The following THSD7B variants were observed in gnomAD, a reference collection of about 807,000 sequenced individuals.
THSD7B encodes thrombospondin type 1 domain containing 7B.
THSD7B carries 138 observed loss-of-function variants against 213.6 expected under a neutral mutation model. That is an observed-to-expected ratio of 0.65 (90% CI 0.56 to 0.74). THSD7B has a LOEUF of 0.74. Among genes scored for constraint, THSD7B ranks in the 30% least tolerant of loss-of-function variants. The pLI, the probability that THSD7B is intolerant of heterozygous loss-of-function variation, is 0.00. For synonymous variants in THSD7B, 742 were observed against 687.0 expected (o/e 1.08, Z -1.25); for missense variants, 1,931 against 1,991.5 (o/e 0.97, Z 0.58).
At position 136,787,846 on chromosome 2, in the gene THSD7B, TA is replaced by T. The variant is rs551301145; in HGVS notation, c.-36+22161del. Among the ~76,000 whole-genome samples the T allele has an allele frequency of 8.6e-5, 13 of 151,988 alleles. 1 individual carries two copies. In the South Asian group the frequency reaches 2.7e-3, roughly 31 times the overall value. On this transcript the variant is annotated intron_variant, in intron 1 of 27. Transcript: ENST00000409968. Reference sequence around the variant, plus strand: ...TTAAGAGCCATTGTGTAGTTTCCCCTAATGCTATTTTCTCCTTCTGTCCTAA... The same window carrying T: ...TTAAGAGCCATTGTGTAGTTTCCCCTATGCTATTTTCTCCTTCTGTCCTAA...
chr2:137,189,717 G>A, intron 7 of THSD7B, among the ~76,000 whole-genome samples: 1 of 151,884 alleles, frequency 6.6e-6, no homozygotes, highest in Admixed American at 6.6e-5. Flanking sequence ...TAAGAACTTA[G>A]CTATAAATTC....
chr2:137,102,493 C>A (rs1688170087), intron 4 of THSD7B, among the ~76,000 whole-genome samples: 1 of 152,174 alleles, frequency 6.6e-6, no homozygotes, highest in South Asian at 2.1e-4. Context: ...TCCAACGGAT[C>A]ACAACTCCTC....
chr2:137,449,855 T>G (rs1687613476), intron 14 of THSD7B, among the ~76,000 whole-genome samples: 1 of 152,120 alleles, frequency 6.6e-6, no homozygotes, highest in African/African-American at 2.4e-5. Context: ...ATCATATCTG[T>G]AAATTCCCTT....
chr2:137,560,551 G>A (rs547719151), intron 15 of THSD7B, among the ~76,000 whole-genome samples: 10 of 152,022 alleles, frequency 6.6e-5, no homozygotes, highest in African/African-American at 1.7e-4. Context: ...ATCACACACC[G>A]GGGCCTGTTG....
At chr2:137,440,894 A>G (rs1486535328) in intron 14 of THSD7B, among the ~76,000 whole-genome samples, 1 of 152,150 alleles carries the variant, frequency 6.6e-6, no homozygotes, top group East Asian at 1.9e-4. Flanking sequence ...TCTGAATCCC[A>G]TGAGACACAT....
At chr2:137,011,236 A>G (rs1173307818) in intron 2 of THSD7B, among the ~76,000 whole-genome samples, 2 of 152,198 alleles carry the variant, frequency 1.3e-5, no homozygotes, top group Non-Finnish European at 2.9e-5. Flanking sequence ...ACTTGAGGCC[A>G]TCTGTAAGGA....
intron 2 of THSD7B, among the ~76,000 whole-genome samples, chr2:136,944,705 A>G (rs954487244): frequency 7.9e-6 from 1 of 126,132 alleles, no homozygotes; most frequent in Non-Finnish European, 1.6e-5. Context: ...TAGGATTGCA[A>G]CCCCTGCTTT....
intron 2 of THSD7B, among the ~76,000 whole-genome samples, chr2:136,927,855 C>G (rs1684566124): frequency 1.3e-5 from 2 of 152,154 alleles, no homozygotes; most frequent in Non-Finnish European, 2.9e-5. Context: ...TTTCTGCTTC[C>G]TAACGGAGGG....
chr2:137,413,560 T>G (rs1686721065), intron 14 of THSD7B, among the ~76,000 whole-genome samples: 1 of 152,212 alleles, frequency 6.6e-6, no homozygotes, highest in Admixed American at 6.5e-5. Flanking sequence ...AGGAGGCAGA[T>G]GTACAAAGCA....
intron 15 of THSD7B, among the ~76,000 whole-genome samples, chr2:137,481,826 C>T (rs1021816336): frequency 5.3e-5 from 8 of 152,046 alleles, no homozygotes; most frequent in Non-Finnish European, 4.4e-5. Context: ...GTCTCAGGAA[C>T]GATGCTTATA....
At chr2:137,633,751 T>C (rs1682783960) in intron 20 of THSD7B, among the ~76,000 whole-genome samples, 1 of 151,708 alleles carries the variant, frequency 6.6e-6, no homozygotes, top group Non-Finnish European at 1.5e-5. Context: ...GGCAGGAGAG[T>C]GAAGAAAGCA....
intron 1 of THSD7B, among the ~76,000 whole-genome samples, chr2:136,877,162 A>G (rs1355386951): frequency 2.6e-5 from 4 of 152,206 alleles, no homozygotes; most frequent in Non-Finnish European, 5.9e-5. Context: ...TTGTAATAGT[A>G]TACTAACTTA....
chr2:137,141,000 T>A (rs1344313264), intron 5 of THSD7B, among the ~76,000 whole-genome samples: 2 of 152,178 alleles, frequency 1.3e-5, no homozygotes, highest in African/African-American at 4.8e-5. Context: ...TGTATCTCTC[T>A]ATGAAAGGAG....
chr2:137,197,097 C>T (rs569285621), intron 7 of THSD7B, among the ~76,000 whole-genome samples: 2 of 152,244 alleles, frequency 1.3e-5, no homozygotes, highest in East Asian at 3.9e-4. Context: ...TACAAAATAA[C>T]TTCAAAAATG....
chr2:136,785,500 G>A (rs904220787), intron 1 of THSD7B, among the ~76,000 whole-genome samples: 1 of 152,086 alleles, frequency 6.6e-6, no homozygotes, highest in Non-Finnish European at 1.5e-5. Flanking sequence ...TAGGGCTCCC[G>A]GGGTCTGAGT....
intron 2 of THSD7B, among the ~76,000 whole-genome samples, chr2:137,043,069 G>A (rs1686910556): frequency 1.3e-5 from 2 of 152,248 alleles, no homozygotes; most frequent in South Asian, 2.1e-4. Context: ...CCCCTGGGCT[G>A]GTTGGGGATG....
At position 137,225,325 on chromosome 2, in the gene THSD7B, GT is replaced by G. The variant is rs575204232; in HGVS notation, c.1724-5718del. On this transcript the variant is annotated intron_variant, in intron 7 of 27. Transcript: ENST00000409968. Reference sequence around the variant, plus strand: ...ATGATGCAGTTCCAAAATAATCAAGGTGCCCACTCTTCTGGGCTTGCTCCCC... The same window carrying G: ...ATGATGCAGTTCCAAAATAATCAAGGGCCCACTCTTCTGGGCTTGCTCCCC... Among the ~76,000 whole-genome samples, 485 of 152,210 alleles carry G rather than the reference GT, an allele frequency of 3.2e-3. 2 individuals carry two copies. Among genetic ancestry groups the G allele is most frequent in the Non-Finnish European group, 4.2e-3 (285 of 68,002 alleles).
chr2:136,809,822 G>A (rs563087601), intron 1 of THSD7B, among the ~76,000 whole-genome samples: 1 of 152,240 alleles, frequency 6.6e-6, no homozygotes, highest in East Asian at 1.9e-4. Context: ...GCTTGGACTT[G>A]GGTGGTGGAG....
intron 7 of THSD7B, among the ~76,000 whole-genome samples, chr2:137,191,431 T>G (rs906556051): frequency 6.6e-6 from 1 of 152,030 alleles, no homozygotes; most frequent in Non-Finnish European, 1.5e-5. Context: ...AGTATGGGGC[T>G]TAAGCTGGGA....
Sources: gnomAD v4.1 joint callset for allele counts (sites outside exome capture counted in the v4.1 genomes callset) on GRCh38, gnomAD v4.1.1 for gene constraint, MANE v1.5 for transcripts, NCBI Gene and HGNC (gene_info 2026-07-23, HGNC 2026-07-21) for gene names.